Variants in LGSN observed in about 807,000 individuals in gnomAD.
The protein encoded by LGSN is lengsin.
Under a neutral mutation model 19.5 loss-of-function variants are expected in LGSN, and 21 were observed. That is an observed-to-expected ratio of 1.07 (90% CI 0.76 to 1.55). The LOEUF (loss-of-function observed/expected upper bound fraction) is 1.55, where lower values mean the gene tolerates loss of function less well. Among genes scored for constraint, LGSN ranks in the 40% most tolerant of loss-of-function variants. The pLI, the probability that LGSN is intolerant of heterozygous loss-of-function variation, is 0.00. For synonymous variants in LGSN, 257 were observed against 215.6 expected (o/e 1.19, Z -1.68); for missense variants, 673 against 608.5 (o/e 1.11, Z -1.12).
the LGSN span, among the ~76,000 whole-genome samples, chr6:63,366,153 C>T: frequency 6.6e-6 from 1 of 152,172 alleles, no homozygotes; most frequent in Non-Finnish European, 1.5e-5. Context: ...CAAATTGTCC[C>T]TGTTTGCAGG....
chr6:63,321,201 C>T (rs1386807595), upstream of LGSN, among the ~76,000 whole-genome samples: 1 of 152,138 alleles, frequency 6.6e-6, no homozygotes, highest in Non-Finnish European at 1.5e-5. Flanking sequence ...AGAGCCTTAC[C>T]TAAGTTTTTC....
the LGSN span, chr6:63,443,435 T>C: frequency 5.7e-6 from 1 of 175,080 alleles, no homozygotes; most frequent in Non-Finnish European, 1.2e-5. Flanking sequence ...CCAGAGCAGA[T>C]GCCAAGGCCG....
chr6:63,569,582 A>G, the LGSN span, among the ~76,000 whole-genome samples: 1 of 152,166 alleles, frequency 6.6e-6, no homozygotes, highest in African/African-American at 2.4e-5. Context: ...TCCTTATAAT[A>G]TTCTTCTAGT....
chr6:63,356,818 G>A, the LGSN span, among the ~76,000 whole-genome samples: 1 of 151,964 alleles, frequency 6.6e-6, no homozygotes, highest in African/African-American at 2.4e-5. Flanking sequence ...AGAAATGTAA[G>A]TTAAAATCAC....
chr6:63,463,811 G>C, the LGSN span, among the ~76,000 whole-genome samples: 1 of 152,132 alleles, frequency 6.6e-6, no homozygotes, highest in Non-Finnish European at 1.5e-5. Context: ...GTATAACAAA[G>C]TGTTTTGAAT....
chr6:63,457,164 T>C, the LGSN span, among the ~76,000 whole-genome samples: 1 of 152,220 alleles, frequency 6.6e-6, no homozygotes, highest in Non-Finnish European at 1.5e-5. Flanking sequence ...ACTGATTTTC[T>C]TTCATACTGT....
chr6:63,414,250 ATTAGTCT>A, the LGSN span, among the ~76,000 whole-genome samples: 1 of 148,386 alleles, frequency 6.7e-6, no homozygotes, highest in Non-Finnish European at 1.5e-5. Flanking sequence ...AAAAAAAAAT[ATTAGTCT>A]TTATTCTTTC....
chr6:63,331,684 C>A, the LGSN span, among the ~76,000 whole-genome samples: 3 of 152,132 alleles, frequency 2.0e-5, no homozygotes, highest in Non-Finnish European at 4.4e-5. Context: ...CCCTGCTGAT[C>A]GGAATAGCTG....
the LGSN span, among the ~76,000 whole-genome samples, chr6:63,438,136 G>A: frequency 6.6e-6 from 1 of 152,100 alleles, no homozygotes; most frequent in Non-Finnish European, 1.5e-5. Flanking sequence ...TTTTTGGCCA[G>A]GTGCGGTGGC....
chr6:63,521,271 G>T, the LGSN span, among the ~76,000 whole-genome samples: 1 of 151,952 alleles, frequency 6.6e-6, no homozygotes, highest in African/African-American at 2.4e-5. Flanking sequence ...AGAAAAAAAC[G>T]GCAAATAATT....
At chr6:63,348,447 C>T in the LGSN span, among the ~76,000 whole-genome samples, 23 of 152,020 alleles carry the variant, frequency 1.5e-4, no homozygotes, top group Admixed American at 3.9e-4. Flanking sequence ...GAGTTAGACT[C>T]TGTCTCAAAA....
At chr6:63,381,022 C>A in the LGSN span, among the ~76,000 whole-genome samples, 1 of 152,026 alleles carries the variant, frequency 6.6e-6, no homozygotes, top group African/African-American at 2.4e-5. Flanking sequence ...CACGGCAAAA[C>A]CTCATCTCTA....
chr6:63,355,733 C>T, the LGSN span, among the ~76,000 whole-genome samples: 1 of 152,156 alleles, frequency 6.6e-6, no homozygotes, highest in Middle Eastern at 3.2e-3. Flanking sequence ...GGCTGTTGTG[C>T]AATGGTGCAA....
the LGSN span, among the ~76,000 whole-genome samples, chr6:63,501,867 G>A: frequency 6.6e-6 from 1 of 152,152 alleles, no homozygotes; most frequent in African/African-American, 2.4e-5. Context: ...CACGATCACA[G>A]GTAACTGCAT....
At chr6:63,408,800 C>A in the LGSN span, among the ~76,000 whole-genome samples, 3 of 152,046 alleles carry the variant, frequency 2.0e-5, no homozygotes, top group Non-Finnish European at 4.4e-5. Context: ...GGGCTAATAT[C>A]CAGAATCTAC....
the LGSN span, among the ~76,000 whole-genome samples, chr6:63,421,879 AG>A: frequency 6.6e-6 from 1 of 152,196 alleles, no homozygotes; most frequent in African/African-American, 2.4e-5. Context: ...AAGAAAAAAG[AG>A]GGCATGAATG....
At chr6:63,297,489 T>C (rs1298425893) in intron 1 of LGSN, among the ~76,000 whole-genome samples, 1 of 152,226 alleles carries the variant, frequency 6.6e-6, no homozygotes, top group Non-Finnish European at 1.5e-5. Flanking sequence ...CCTTTGGTTT[T>C]CTTTTACATA....
chr6:63,413,113 T>C, the LGSN span, among the ~76,000 whole-genome samples: 1 of 152,078 alleles, frequency 6.6e-6, no homozygotes, highest in Non-Finnish European at 1.5e-5. Context: ...GTTTCTGAAT[T>C]AAACTACCAG....
chr6:63,551,739 A>G, the LGSN span, among the ~76,000 whole-genome samples: 1 of 121,756 alleles, frequency 8.2e-6, no homozygotes, highest in Non-Finnish European at 1.6e-5. Flanking sequence ...TCCTGTGTCC[A>G]TGTGTTCTCA....
Sources: gnomAD v4.1 joint callset for allele counts (sites outside exome capture counted in the v4.1 genomes callset) on GRCh38, gnomAD v4.1.1 for gene constraint, MANE v1.5 for transcripts, NCBI Gene and HGNC (gene_info 2026-07-23, HGNC 2026-07-21) for gene names.